The following SYNE3 variants were observed in gnomAD, a reference collection of about 807,000 sequenced individuals.
The protein encoded by SYNE3 is spectrin repeat containing nuclear envelope family member 3, also known as nesprin-3.
SYNE3 carries 100 observed loss-of-function variants against 111.2 expected under a neutral mutation model. The observed-to-expected ratio is 0.90, with a 90% confidence interval of 0.77 to 1.06. The LOEUF (loss-of-function observed/expected upper bound fraction) is 1.06. Ranked by LOEUF, SYNE3 falls within the 50% of genes least tolerant of loss-of-function variation. SYNE3 has a pLI of 0.00. For synonymous variants in SYNE3, 547 were observed against 533.9 expected (o/e 1.02, Z -0.34); for missense variants, 1,160 against 1,240.3 (o/e 0.94, Z 0.97).
At chr14:95,468,014 C>G (rs1393999597) in intron 2 of SYNE3, 47 bp from the exon 3 acceptor site, 15 of 1,576,424 alleles carry the variant, frequency 9.5e-6, no homozygotes, top group Non-Finnish European at 1.1e-5. Flanking sequence ...AAAAGGCAGA[C>G]AGGCACAACC....
At chr14:95,457,539 T>C (rs970276276) in intron 4 of SYNE3, among the ~76,000 whole-genome samples, 8 of 151,882 alleles carry the variant, frequency 5.3e-5, no homozygotes, top group South Asian at 2.1e-4. Context: ...GCCAAGAGAG[T>C]TGGCTTTGGA....
intron 4 of SYNE3, among the ~76,000 whole-genome samples, chr14:95,460,381 T>G (rs867846035): frequency 8.1e-5 from 12 of 148,778 alleles, no homozygotes; most frequent in South Asian, 4.3e-4. Context: ...TTTTTTTTTT[T>G]TTTTTTTTTT....
intron 1 of SYNE3, among the ~76,000 whole-genome samples, chr14:95,508,920 T>A (rs748766541): frequency 2.0e-5 from 3 of 152,226 alleles, no homozygotes; most frequent in Non-Finnish European, 2.9e-5. Context: ...AATATTAGGA[T>A]CTGTCCTTCA....
chr14:95,417,531 C>A lies in SYNE3; in HGVS notation c.*295G>T. ...GAGCCATTGCTAGGAATTTTCCCAA[C>A]TCCAAATAGAACTCGTATATGAAAT... On this transcript the variant is annotated 3_prime_UTR_variant, in exon 18 of 18. Coordinates refer to ENST00000682763, the MANE Select transcript of SYNE3 (RefSeq NM_152592.6). 2.5e-6 allele frequency: 1 copy of A among 407,430 alleles called. No homozygotes were observed. The highest frequency in any genetic ancestry group is 3.0e-5 in the South Asian group (1 of 33,570). The allele number at this position is 407,430 out of a possible 1,614,324, so 25.2% of individuals were successfully genotyped here.
intron 1 of SYNE3, among the ~76,000 whole-genome samples, chr14:95,501,054 ACTACG>A (rs1327262735): frequency 1.3e-5 from 2 of 152,220 alleles, no homozygotes; most frequent in Non-Finnish European, 2.9e-5. Flanking sequence ...GCCCAAGTTG[ACTACG>A]CTACGACCCA....
At chr14:95,444,384 CG>C in intron 10 of SYNE3, 100 bp downstream of exon 10, 1 of 1,459,308 alleles carries the variant, frequency 6.9e-7, no homozygotes, top group Non-Finnish European at 9.1e-7. Context: ...TTCTGGCTCA[CG>C]GCAGCTGTTG....
intron 16 of SYNE3, 75 bp from the exon 17 acceptor site, chr14:95,432,192 G>GC (rs1325322109): frequency 6.6e-7 from 1 of 1,504,418 alleles, no homozygotes; most frequent in East Asian, 2.4e-5. Context: ...TCCCAACAGA[G>GC]CCTGTAATGG....
intron 1 of SYNE3, among the ~76,000 whole-genome samples, chr14:95,484,360 G>A (rs553726356): frequency 6.6e-6 from 1 of 152,304 alleles, no homozygotes; most frequent in Admixed American, 6.5e-5. Flanking sequence ...AGGTGTGATC[G>A]TCTCAGGCTC....
intron 16 of SYNE3, 124 bp from the exon 17 acceptor site, chr14:95,432,241 C>G (rs567759178): frequency 1.8e-6 from 2 of 1,140,684 alleles, no homozygotes; most frequent in Non-Finnish European, 2.5e-6. Flanking sequence ...TTTAAAACTT[C>G]TGGTCATCTG....
At position 95,417,406 on chromosome 14, in the gene SYNE3, C is replaced by T. The variant is rs72692738; in HGVS notation, c.*420G>A. On this transcript the variant is annotated 3_prime_UTR_variant, in exon 18 of 18. Transcript: ENST00000682763. ...CATTACATCTGAATTCTGGGATTCG[C>T]TTTGGAGAAGAGGTTGCCATGAAAG... is the stretch of plus-strand genomic sequence containing the variant. 791 of 240,668 alleles carry T rather than the reference C, an allele frequency of 3.3e-3. 8 individuals are homozygous for T. Among genetic ancestry groups the T allele is most frequent in the South Asian group, 0.016 (274 of 16,980 alleles). The allele number at this position is 240,668 out of a possible 1,614,324, so 14.9% of individuals were successfully genotyped here. A position where few individuals can be genotyped will look rare whatever the true frequency, so the allele number is the denominator to read the frequency against.
At position 95,500,026 on chromosome 14, in the gene SYNE3, A is replaced by AT. The variant is rs1890275112; in HGVS notation, c.-15+16569dup. 6.6e-6 allele frequency among the ~76,000 whole-genome samples: 1 copy of AT among 151,484 alleles called. No homozygotes were observed. The highest frequency in any genetic ancestry group is 2.4e-5 in the African/African-American group (1 of 41,162). ...AGGCACCTGCCACCACACCCGACTAATTTTTTTATTTTTAGTAGAGACGGA... is the reference window on the plus strand; with the variant it reads ...AGGCACCTGCCACCACACCCGACTAATTTTTTTTATTTTTAGTAGAGACGGA... On this transcript the variant is annotated intron_variant, in intron 1 of 17. Coordinates refer to ENST00000682763, the MANE Select transcript of SYNE3 (RefSeq NM_152592.6). The surrounding 1 kb of genome is among the most constrained non-coding windows in gnomAD (Gnocchi z 4.7).
At chr14:95,490,805 T>C (rs1032688557) in intron 1 of SYNE3, among the ~76,000 whole-genome samples, 1 of 152,248 alleles carries the variant, frequency 6.6e-6, no homozygotes, top group Admixed American at 6.5e-5. Context: ...TGTGGCCCTA[T>C]CGGCAAAGCC....
chr14:95,469,338 T>A (rs1888380701), intron 2 of SYNE3, among the ~76,000 whole-genome samples: 1 of 151,960 alleles, frequency 6.6e-6, no homozygotes, highest in Admixed American at 6.6e-5. Flanking sequence ...TCTCCCTTTT[T>A]CATCCTGAGA....
At chr14:95,418,095 C>T (rs1027260431) in intron 17 of SYNE3, 69 bp from the exon 18 acceptor site, 30 of 1,539,502 alleles carry the variant, frequency 1.9e-5, no homozygotes, top group Middle Eastern at 4.6e-4. Flanking sequence ...GTTCAGGGGG[C>T]GAGGAGGATG....
chr14:95,478,194 C>T (rs1305392034), intron 1 of SYNE3, among the ~76,000 whole-genome samples: 3 of 152,208 alleles, frequency 2.0e-5, no homozygotes, highest in Non-Finnish European at 4.4e-5. Context: ...TGAGCCTCCT[C>T]TGCAATTCTG....
intron 2 of SYNE3, 91 bp downstream of exon 2, chr14:95,475,587 T>C: frequency 7.7e-7 from 1 of 1,291,970 alleles, no homozygotes; most frequent in East Asian, 2.9e-5. Flanking sequence ...TAGTCCACCG[T>C]TGCCTTTCAC....
intron 1 of SYNE3, among the ~76,000 whole-genome samples, chr14:95,480,147 A>AG (rs1889142606): frequency 3.3e-5 from 5 of 152,344 alleles, no homozygotes; most frequent in Middle Eastern, 6.8e-3. Flanking sequence ...AGCAAAAAAA[A>AG]GTATTTTCTG....
intron 1 of SYNE3, among the ~76,000 whole-genome samples, chr14:95,505,919 A>G (rs1184031691): frequency 6.6e-6 from 1 of 152,204 alleles, no homozygotes; most frequent in East Asian, 1.9e-4. Flanking sequence ...GTTCTCAACC[A>G]TCCCTGTGCA....
rs28390985 is a variant in SYNE3 at position 95,439,858 on chromosome 14, C to G, written c.2073+56G>C. The G allele has an allele frequency of 4.5e-3, 7,097 of 1,592,444 alleles. 270 individuals carry two copies. In the African/African-American group the frequency reaches 0.085, roughly 19 times the overall value. ...AGGTTTCTGCTCCTTGGTGTGGGAA[C>G]GTTGGCCTGTCAAGGCTGCTTCTTT... On this transcript the variant is annotated intron_variant, in intron 12 of 17. Coordinates refer to ENST00000682763, the MANE Select transcript of SYNE3 (RefSeq NM_152592.6).
Sources: allele counts gnomAD v4.1 joint callset (sites outside exome capture counted in the v4.1 genomes callset), GRCh38; gene constraint gnomAD v4.1.1; non-coding constraint Gnocchi (gnomAD v3.1); transcripts MANE v1.5; gene names NCBI Gene and HGNC (gene_info 2026-07-23, HGNC 2026-07-21).